SRI: variants seen among roughly 807,000 people sequenced by gnomAD.
The protein encoded by SRI is 22 kDa protein.
In SRI, 30 loss-of-function variants were observed where a neutral mutation model predicts 33.3. That is an observed-to-expected ratio of 0.90 (90% confidence interval 0.67 to 1.22). The LOEUF (loss-of-function observed/expected upper bound fraction) is 1.22, where lower values mean the gene tolerates loss of function less well. Among genes scored for constraint, SRI ranks in the 50% most tolerant of loss-of-function variants. The pLI is 0.00. For missense variants in SRI, 243 were observed against 250.8 expected, an observed-to-expected ratio of 0.97 and a Z score of 0.21; for synonymous variants, 75 against 89.9, an observed-to-expected ratio of 0.83 and a Z score of 0.94.
At chr7:88,219,818 G>A (rs1413799295) in intron 1 of SRI, among the ~76,000 whole-genome samples, 158 bp downstream of exon 1, 1 of 152,180 alleles carries the variant, frequency 6.6e-6, no homozygotes, top group Non-Finnish European at 1.5e-5. Context: ...AACCCCAGGG[G>A]CCTAGGGCGA....
chr7:88,225,452 A>C (rs1851975535), intron 1 of SRI, among the ~76,000 whole-genome samples: 1 of 152,204 alleles, frequency 6.6e-6, no homozygotes, highest in South Asian at 2.1e-4. Flanking sequence ...CAGTGATGCT[A>C]AAGGGCAGTT....
At position 88,226,862 on chromosome 7, in the gene SRI, G is replaced by A. The variant is rs761105881; in HGVS notation, c.6+47C>T. On this transcript the variant is annotated intron_variant, in intron 1 of 7. Coordinates refer to the SRI transcript ENST00000394641. The stretch of plus-strand genomic sequence containing the variant: ...TCCTGATTAGTAGAATTAGAACATT[G>A]GAGCTGCATGGAATAGTCTAATATT... 3 of 1,587,820 alleles carry A rather than the reference G, an allele frequency of 1.9e-6. No individual in the cohort carries two copies. The African/African-American group carries it at 4.0e-5, about 21-fold the overall frequency.
Position 88,225,202 on chromosome 7 carries a change from G to A in SRI, c.6+1707C>T, listed in dbSNP as rs1851969594. Among the ~76,000 whole-genome samples the A allele has an allele frequency of 2.0e-5, 3 of 152,162 alleles. 1 individual carries two copies. The South Asian group carries it at 6.2e-4, about 31-fold the overall frequency. ...CCTTCCCTTAATGAAGCTCTGAGCT[G>A]GAGTTGATGATCAGGATTAACCAGG... On this transcript the variant is annotated intron_variant, in intron 1 of 7. Coordinates refer to the SRI transcript ENST00000394641.
intron 2 of SRI, chr7:88,218,656 C>A (rs997023560): frequency 1.9e-6 from 1 of 529,246 alleles, no homozygotes; most frequent in African/African-American, 1.9e-5. Flanking sequence ...GAACTGAACT[C>A]ACATAAATAC....
upstream of SRI, among the ~76,000 whole-genome samples, chr7:88,222,276 A>G (rs1342247000): frequency 6.7e-6 from 1 of 149,960 alleles, no homozygotes; most frequent in African/African-American, 2.5e-5. Flanking sequence ...GACTTCCACA[A>G]TGGTTGAACT....
intron 1 of SRI, 55 bp downstream of exon 1, chr7:88,219,921 G>T: frequency 2.0e-6 from 3 of 1,528,376 alleles, no homozygotes; most frequent in South Asian, 1.2e-5. Flanking sequence ...CTCCAAGGTG[G>T]CCTCTTAGCG....
upstream of SRI, chr7:88,220,069 C>G (rs553340570): frequency 4.7e-6 from 7 of 1,494,850 alleles, no homozygotes; most frequent in Non-Finnish European, 6.2e-6. Flanking sequence ...GTGCGCCAGG[C>G]CTCTCCGCCC....
At chr7:88,208,364 G>T (rs185906156) in intron 7 of SRI, 143 bp downstream of exon 7, 1 of 1,418,734 alleles carries the variant, frequency 7.0e-7, no homozygotes, top group Admixed American at 2.9e-5. Flanking sequence ...ATAAATTCTG[G>T]ATGATAACTC....
chr7:88,215,437 C>T (rs190143161), intron 3 of SRI, among the ~76,000 whole-genome samples: 1 of 152,356 alleles, frequency 6.6e-6, no homozygotes, highest in African/African-American at 2.4e-5. Context: ...TGTGATCTCA[C>T]TGCACTTTGA....
chr7:88,219,545 TTTGTTTG>T (rs752049896), intron 1 of SRI: 154 of 148,356 alleles, frequency 1.0e-3, no homozygotes, highest in East Asian at 1.8e-3. Context: ...TCGTTTTTTG[TTTGTTTG>T]TTTGTTTGTT....
upstream of SRI, among the ~76,000 whole-genome samples, chr7:88,223,353 G>GGAACA: frequency 6.6e-6 from 1 of 152,168 alleles, no homozygotes; most frequent in East Asian, 1.9e-4. Context: ...GGAAGGGGAA[G>GGAACA]GAACAGAACA....
chr7:88,208,354 A>G, intron 7 of SRI, 153 bp downstream of exon 7: 1 of 1,410,722 alleles, frequency 7.1e-7, no homozygotes. Flanking sequence ...AATGAAATTA[A>G]TAAATTCTGG....
At chr7:88,211,357 A>G (rs941897385) in intron 3 of SRI, among the ~76,000 whole-genome samples, 2 of 152,134 alleles carry the variant, frequency 1.3e-5, no homozygotes, top group Non-Finnish European at 2.9e-5. Flanking sequence ...CAGAAGGTTG[A>G]GGCAGGAGAA....
chr7:88,223,302 A>T (rs1851930806), upstream of SRI, among the ~76,000 whole-genome samples: 1 of 152,164 alleles, frequency 6.6e-6, no homozygotes, highest in African/African-American at 2.4e-5. Context: ...ATAAAAACCC[A>T]TGGGATAGGT....
upstream of SRI, among the ~76,000 whole-genome samples, chr7:88,221,202 G>A (rs983835828): frequency 6.6e-6 from 1 of 152,136 alleles, no homozygotes; most frequent in Non-Finnish European, 1.5e-5. Flanking sequence ...TGTGGTGGAC[G>A]GGCTTCCTCC....
At chr7:88,209,544 T>A in intron 5 of SRI, 92 bp from the exon 6 acceptor site, 1 of 908,410 alleles carries the variant, frequency 1.1e-6, no homozygotes. Flanking sequence ...TTTTTAAGAC[T>A]GCAGACTCAT....
intron 2 of SRI, 100 bp from the exon 3 acceptor site, chr7:88,217,291 T>A: frequency 9.9e-7 from 1 of 1,014,802 alleles, no homozygotes; most frequent in East Asian, 2.5e-5. Flanking sequence ...AAAATCAGTA[T>A]CTTTTTTTTA....
chr7:88,223,981 T>C (rs1340164232), upstream of SRI, among the ~76,000 whole-genome samples: 7 of 152,186 alleles, frequency 4.6e-5, no homozygotes, highest in Non-Finnish European at 7.3e-5. Flanking sequence ...GGTTTATAGA[T>C]AGGATGCAGG....
chr7:88,220,213 G>C, upstream of SRI: 5 of 1,312,294 alleles, frequency 3.8e-6, no homozygotes, highest in South Asian at 1.1e-4. Context: ...GCGCTTCTTC[G>C]TATCTTTGCC....
Sources: allele counts gnomAD v4.1 joint callset (sites outside exome capture counted in the v4.1 genomes callset), GRCh38; gene constraint gnomAD v4.1.1; transcripts MANE v1.5; gene names NCBI Gene and HGNC (gene_info 2026-07-23, HGNC 2026-07-21).